The following MCF2 variants were observed in gnomAD, a reference collection of about 807,000 sequenced individuals.
MCF2 encodes the protein proto-oncogene DBL.
Under a neutral mutation model 82.5 loss-of-function variants are expected in MCF2, and 44 were observed. The observed-to-expected ratio is 0.53, with a 90% CI of 0.42 to 0.69. The LOEUF is 0.69. MCF2 is among the 30% of genes least tolerant of loss of function. MCF2 has a pLI of 0.00. For missense variants in MCF2, 623 were observed against 663.1 expected (o/e 0.94, Z 0.66); for synonymous variants, 217 against 224.9 (o/e 0.96, Z 0.32).
intron 1 of MCF2, among the ~76,000 whole-genome samples, chrX:139,662,029 A>AC (rs1266610749): frequency 1.8e-5 from 2 of 111,684 alleles, no homozygotes; most frequent in Non-Finnish European, 3.8e-5. Flanking sequence ...TGTACATAAA[A>AC]AACACTAAGG....
chrX:139,599,373 C>A (rs1169751207), intron 16 of MCF2, among the ~76,000 whole-genome samples: 2 of 109,097 alleles, frequency 1.8e-5, no homozygotes, highest in Non-Finnish European at 3.8e-5. Flanking sequence ...GGCAAAATCA[C>A]AAAGTTATGA....
At position 139,651,701 on chromosome X, in the gene MCF2, T is replaced by C. The variant is rs1386444456; in HGVS notation, c.25+19A>G. Reference sequence around the variant, plus strand: ...AAGTCATATATCTATCTGGACTATATATAAGAAAGTTTGCTTACCAGACAA... The same window carrying C: ...AAGTCATATATCTATCTGGACTATACATAAGAAAGTTTGCTTACCAGACAA... On this transcript the variant is annotated intron_variant, in intron 2 of 27. Coordinates refer to the MCF2 transcript ENST00000414978. 2.8e-6 allele frequency: 3 copies of C among 1,069,096 alleles called. No homozygotes were observed. The highest frequency in any genetic ancestry group is 3.3e-5 in the East Asian group (1 of 30,543). The allele number at this position is 1,069,096 out of a possible 1,213,427, so 88.1% of individuals were successfully genotyped here.
intron 22 of MCF2, 30 bp from the exon 27 acceptor site, chrX:139,586,517 G>T: frequency 1.0e-6 from 1 of 993,923 alleles, no homozygotes. Flanking sequence ...AACTAAGTGA[G>T]CTTTTGTACA....
At chrX:139,703,384 A>G (rs1428650228) in intron 1 of MCF2, among the ~76,000 whole-genome samples, 1 of 111,574 alleles carries the variant, frequency 9.0e-6, no homozygotes, top group African/African-American at 3.3e-5. Context: ...GACATGAAGA[A>G]TAAATTCAGG....
At chrX:139,692,837 C>T (rs1935305549) in intron 1 of MCF2, among the ~76,000 whole-genome samples, 1 of 112,015 alleles carries the variant, frequency 8.9e-6, no homozygotes, top group Non-Finnish European at 1.9e-5. Flanking sequence ...ATATGTCCTC[C>T]GAGGATGCAA....
intron 6 of MCF2, among the ~76,000 whole-genome samples, chrX:139,625,415 C>A (rs1191509531): frequency 2.7e-5 from 3 of 111,521 alleles, no homozygotes; most frequent in African/African-American, 9.8e-5. Flanking sequence ...ATGTTTGAAT[C>A]AAAGGAGAGA....
At chrX:139,585,911 T>G (rs1249060518) in intron 23 of MCF2, among the ~76,000 whole-genome samples, 2 of 112,175 alleles carry the variant, frequency 1.8e-5, no homozygotes, top group African/African-American at 3.2e-5. Context: ...AATAAATATT[T>G]CGGCTGTTAA....
chrX:139,706,831 T>C (rs1162482173), intron 1 of MCF2, among the ~76,000 whole-genome samples: 4 of 110,432 alleles, frequency 3.6e-5, no homozygotes, highest in Non-Finnish European at 7.6e-5. Flanking sequence ...CTTGGAACTT[T>C]ATACTGCGTC....
intron 1 of MCF2, among the ~76,000 whole-genome samples, chrX:139,703,507 A>AG (rs934006690): frequency 1.5e-4 from 17 of 111,867 alleles, no homozygotes; most frequent in African/African-American, 2.6e-4. Context: ...CAGGCCGAGG[A>AG]GGGGTGTCAC....
chrX:139,680,906 T>C (rs1342410760), intron 1 of MCF2, among the ~76,000 whole-genome samples: 2 of 112,644 alleles, frequency 1.8e-5, no homozygotes, highest in African/African-American at 3.2e-5. Context: ...TATCTGTTCA[T>C]GGTCCTTTGA....
Position 139,592,871 on chromosome X carries a change from G to T in MCF2, c.2278-2944C>A, listed in dbSNP as rs141462131. Among the ~76,000 whole-genome samples, 871 of 111,820 alleles carry T rather than the reference G, an allele frequency of 7.8e-3. 9 individuals carry two copies. Among genetic ancestry groups the T allele is most frequent in the African/African-American group, 0.027 (844 of 30,776 alleles). On this transcript the variant is annotated intron_variant, in intron 19 of 24. Transcript: ENST00000370576. ...CTAGGGGCTGCTGATCCTATGGGAA[G>T]AATCAAAAGCAAGGCCTGCTTACAG...
intron 2 of MCF2, among the ~76,000 whole-genome samples, chrX:139,650,610 T>G (rs1933969236): frequency 8.9e-6 from 1 of 112,238 alleles, no homozygotes; most frequent in African/African-American, 3.2e-5. Context: ...TTTAATGATA[T>G]AATTCAAATT....
intron 19 of MCF2, among the ~76,000 whole-genome samples, chrX:139,590,347 A>G (rs1369093546): frequency 9.0e-6 from 1 of 111,414 alleles, no homozygotes; most frequent in Non-Finnish European, 1.9e-5. Flanking sequence ...ACTTAATCCT[A>G]CAAATTATAA....
intron 1 of MCF2, among the ~76,000 whole-genome samples, chrX:139,703,005 C>T (rs1935527124): frequency 8.9e-6 from 1 of 112,222 alleles, no homozygotes; most frequent in Admixed American, 9.4e-5. Flanking sequence ...AATGACTGAA[C>T]AACTTGGGGT....
exon 1 of MCF2, chrX:139,642,500 G>A (rs186682047): frequency 2.5e-5 from 30 of 1,209,315 alleles, no homozygotes; most frequent in Non-Finnish European, 2.8e-5. Context: ...TTGCCTCTCC[G>A]GGGATTTGCT....
chrX:139,666,645 T>G (rs2148546127), intron 1 of MCF2, among the ~76,000 whole-genome samples: 1 of 111,578 alleles, frequency 9.0e-6, no homozygotes, highest in African/African-American at 3.3e-5. Context: ...AATTCACTCC[T>G]TATCTTTGAC....
At chrX:139,664,646 C>T (rs762906108) in intron 1 of MCF2, among the ~76,000 whole-genome samples, 1 of 112,591 alleles carries the variant, frequency 8.9e-6, no homozygotes, top group South Asian at 3.7e-4. Context: ...CCGCATGAGC[C>T]CTCTTGGTGC....
intron 1 of MCF2, among the ~76,000 whole-genome samples, chrX:139,676,219 G>A (rs1463608067): frequency 1.8e-5 from 2 of 112,035 alleles, no homozygotes; most frequent in East Asian, 5.7e-4. Context: ...TTTTCCAGGT[G>A]CCGTCTATCA....
chrX:139,631,810 G>T (rs1932939994), intron 2 of MCF2, among the ~76,000 whole-genome samples: 1 of 111,665 alleles, frequency 9.0e-6, no homozygotes, highest in South Asian at 3.7e-4. Flanking sequence ...AGAATGCTAT[G>T]CTCACAACAA....
Sources: allele counts gnomAD v4.1 joint callset (sites outside exome capture counted in the v4.1 genomes callset), GRCh38; gene constraint gnomAD v4.1.1; transcripts MANE v1.5; gene names NCBI Gene and HGNC (gene_info 2026-07-23, HGNC 2026-07-21).